HHAT: variants seen among roughly 807,000 people sequenced by gnomAD.
HHAT encodes the protein protein-cysteine N-palmitoyltransferase HHAT.
Under a neutral mutation model 70.8 loss-of-function variants are expected in HHAT, and 47 were observed. The observed-to-expected ratio is 0.66, with a 90% CI of 0.53 to 0.85. The LOEUF (loss-of-function observed/expected upper bound fraction) is 0.85. Ranked by LOEUF, HHAT falls within the 40% of genes least tolerant of loss-of-function variation. HHAT has a pLI of 0.00. For missense variants in HHAT, 609 were observed against 604.8 expected, an observed-to-expected ratio of 1.01 and a Z score of -0.07; for synonymous variants, 228 against 247.6, an observed-to-expected ratio of 0.92 and a Z score of 0.74.
intron 9 of HHAT, among the ~76,000 whole-genome samples, chr1:210,523,643 A>G (rs2095197401): frequency 6.6e-6 from 1 of 152,156 alleles, no homozygotes. Flanking sequence ...TGTGTGTTGC[A>G]GCCCCCTCCC....
chr1:210,399,350 G>A (rs540131023), intron 4 of HHAT, among the ~76,000 whole-genome samples: 17 of 152,150 alleles, frequency 1.1e-4, no homozygotes, highest in Non-Finnish European at 2.2e-4. Flanking sequence ...TCTGCCTCCC[G>A]AGTTCCAGGG....
intron 9 of HHAT, among the ~76,000 whole-genome samples, chr1:210,526,367 G>GTTCTGTTTTTTTTTTTT (rs2095245205): frequency 1.4e-5 from 2 of 142,336 alleles, no homozygotes; most frequent in African/African-American, 5.2e-5. Flanking sequence ...AGTGGGTTCT[G>GTTCTGTTTTTTTTTTTT]TTTTTTTTTT....
intron 9 of HHAT, among the ~76,000 whole-genome samples, chr1:210,535,932 A>T (rs1573116219): frequency 6.6e-6 from 1 of 152,118 alleles, no homozygotes; most frequent in Non-Finnish European, 1.5e-5. Context: ...CAGCTTGCGG[A>T]TGCTCAAGAT....
chr1:210,574,083 G>C (rs139279606), intron 9 of HHAT, among the ~76,000 whole-genome samples: 1 of 152,226 alleles, frequency 6.6e-6, no homozygotes, highest in African/African-American at 2.4e-5. Context: ...CCTGCATGCT[G>C]TCAGGCCTGG....
intron 10 of HHAT, among the ~76,000 whole-genome samples, chr1:210,603,231 C>G (rs745748542): frequency 6.6e-6 from 1 of 151,920 alleles, no homozygotes; most frequent in Non-Finnish European, 1.5e-5. Context: ...ACCTGAGAAA[C>G]CATAATCTCA....
rs1324452281 is a variant in HHAT, at chr1:210,386,230, C to CTTTCTTTCTTTTTTTTTTTTTTT, written c.160-1235_160-1234insCTTTCTTTTTTTTTTTTTTTTTT. Among the ~76,000 whole-genome samples, 3 of 69,922 alleles carry CTTTCTTTCTTTTTTTTTTTTTTT rather than the reference C, an allele frequency of 4.3e-5. No individual in the cohort carries two copies. In the South Asian group the frequency reaches 1.9e-3, roughly 44 times the overall value. The allele number at this position is 69,922 out of a possible 152,430, so 45.9% of individuals were successfully genotyped here. A position where few individuals can be genotyped will look rare whatever the true frequency, so the allele number is the denominator to read the frequency against. On this transcript the variant is annotated intron_variant, in intron 3 of 11. Transcript: ENST00000261458. Reference sequence around the variant, plus strand: ...ATTGCAGGAGTCCTTTTCTTTTTTTCTTTTTTTTTTTTTTTTTTTTTTTTT... The same window carrying CTTTCTTTCTTTTTTTTTTTTTTT: ...ATTGCAGGAGTCCTTTTCTTTTTTTCTTTCTTTCTTTTTTTTTTTTTTTTTTTTTTTTTTTTTTTTTTTTTTTT...
intron 4 of HHAT, among the ~76,000 whole-genome samples, chr1:210,388,108 C>T (rs2091214009): frequency 6.6e-6 from 1 of 152,198 alleles, no homozygotes; most frequent in South Asian, 2.1e-4. Flanking sequence ...ACCCTCTTCA[C>T]AGGTCTAGCT....
At chr1:210,575,871 T>G (rs949844027) in intron 9 of HHAT, among the ~76,000 whole-genome samples, 1 of 152,170 alleles carries the variant, frequency 6.6e-6, no homozygotes, top group Non-Finnish European at 1.5e-5. Flanking sequence ...AGAAAAGGAT[T>G]TGGTCAGGTG....
At chr1:210,548,229 A>G (rs2095500582) in intron 9 of HHAT, among the ~76,000 whole-genome samples, 1 of 152,164 alleles carries the variant, frequency 6.6e-6, no homozygotes, top group Non-Finnish European at 1.5e-5. Flanking sequence ...GGCCAGACCC[A>G]ATTACCAAGG....
chr1:210,352,337 C>T (rs1366663870), intron 2 of HHAT, among the ~76,000 whole-genome samples: 1 of 152,182 alleles, frequency 6.6e-6, no homozygotes, highest in Non-Finnish European at 1.5e-5. Context: ...TCACGGGAGC[C>T]AGATCCCCAT....
intron 2 of HHAT, among the ~76,000 whole-genome samples, chr1:210,353,611 T>C (rs1040583446): frequency 1.3e-5 from 2 of 152,102 alleles, no homozygotes; most frequent in Admixed American, 1.3e-4. Flanking sequence ...TTGATTAGTA[T>C]ATTGTGGTTC....
rs528513055 is a variant in HHAT at position 210,588,053 on chromosome 1, A to T, written c.1199A>T (p.Asn400Ile). The change falls in exon 10 of 12, where the codon AAT becomes ATT. Residue 400 changes from asparagine (N) to isoleucine (I), a missense_variant. Asn to Ile is a moderately radical substitution (Grantham distance 149, BLOSUM62 -3). Coordinates refer to ENST00000261458, the MANE Select transcript of HHAT (RefSeq NM_018194.6). ...ALNWLGVTVENGVRRLVETPC... is the reference protein window; with the variant it reads ...ALNWLGVTVEIGVRRLVETPC... The stretch of plus-strand genomic sequence containing the variant: ...AACTGGCTGGGAGTCACTGTGGAGA[A>T]TGGAGTCCGGAGGCTGGTGGAGACT... 5.0e-6 allele frequency: 8 copies of T among 1,613,408 alleles called. No individual in the cohort carries two copies. The Admixed American group carries it at 8.3e-5, about 17-fold the overall frequency.
intron 8 of HHAT, among the ~76,000 whole-genome samples, chr1:210,487,115 A>C (rs868031480): frequency 6.6e-6 from 1 of 152,194 alleles, no homozygotes; most frequent in Non-Finnish European, 1.5e-5. Context: ...GAGGACGGGC[A>C]GGAATGAGTG....
At chr1:210,669,297 A>T (rs1452470442) in intron 11 of HHAT, among the ~76,000 whole-genome samples, 1 of 152,238 alleles carries the variant, frequency 6.6e-6, no homozygotes, top group Non-Finnish European at 1.5e-5. Flanking sequence ...TTAGTTAATT[A>T]ACCAAGTTAT....
intron 10 of HHAT, among the ~76,000 whole-genome samples, chr1:210,617,490 T>C (rs1416600711): frequency 1.3e-5 from 2 of 152,188 alleles, no homozygotes; most frequent in Non-Finnish European, 2.9e-5. Context: ...GCCATGGCAG[T>C]GGAAAAGTAA....
intron 10 of HHAT, among the ~76,000 whole-genome samples, chr1:210,609,271 A>G (rs551258870): frequency 1.6e-4 from 24 of 152,284 alleles, no homozygotes; most frequent in Middle Eastern, 3.4e-3. Flanking sequence ...TTGTTATATA[A>G]TCTCCAAAGA....
intron 2 of HHAT, among the ~76,000 whole-genome samples, chr1:210,351,450 T>C (rs2087014979): frequency 6.6e-6 from 1 of 152,232 alleles, no homozygotes; most frequent in South Asian, 2.1e-4. Context: ...ACAATGGATG[T>C]TGGATTTTGT....
At chr1:210,661,640 T>G (rs534170765) in intron 11 of HHAT, among the ~76,000 whole-genome samples, 11 of 152,312 alleles carry the variant, frequency 7.2e-5, no homozygotes, top group African/African-American at 2.4e-4. Context: ...AGCAAAAACT[T>G]GGAACCAACC....
At chr1:210,435,617 C>T (rs572459119) in intron 7 of HHAT, among the ~76,000 whole-genome samples, 96 of 151,892 alleles carry the variant, frequency 6.3e-4, no homozygotes, top group Non-Finnish European at 1.8e-4. Flanking sequence ...CCTTTCTTTA[C>T]ATCTTCACCA....
Sources: gnomAD v4.1 joint callset for allele counts (sites outside exome capture counted in the v4.1 genomes callset) on GRCh38, gnomAD v4.1.1 for gene constraint, MANE v1.5 for transcripts, NCBI Gene and HGNC (gene_info 2026-07-23, HGNC 2026-07-21) for gene names.